Variants in RAD51B observed in about 807,000 individuals in gnomAD.
The protein encoded by RAD51B is RAD51 paralog B.
In RAD51B, 38 loss-of-function variants were observed where a neutral mutation model predicts 42.2. The observed-to-expected ratio is 0.90, with a 90% CI of 0.70 to 1.18. RAD51B has a LOEUF of 1.18. RAD51B is among the 50% of genes most tolerant of loss of function. The pLI is 0.00. For synonymous variants in RAD51B, 154 were observed against 145.2 expected (o/e 1.06, Z -0.43); for missense variants, 373 against 400.7 (o/e 0.93, Z 0.59).
At chr14:68,160,634 T>A (rs1318497751) in intron 7 of RAD51B, among the ~76,000 whole-genome samples, 2 of 152,216 alleles carry the variant, frequency 1.3e-5, no homozygotes, top group East Asian at 3.8e-4. Context: ...AAATATTATA[T>A]CTTGACTACT....
chr14:68,305,271 G>T (rs1443083624), intron 8 of RAD51B, among the ~76,000 whole-genome samples: 1 of 152,156 alleles, frequency 6.6e-6, no homozygotes, highest in Non-Finnish European at 1.5e-5. Flanking sequence ...TCATTTACAC[G>T]TTAAGTATGA....
chr14:68,011,766 G>C (rs768455619), intron 7 of RAD51B, among the ~76,000 whole-genome samples: 1 of 152,032 alleles, frequency 6.6e-6, no homozygotes, highest in Non-Finnish European at 1.5e-5. Context: ...GTTAACAGCT[G>C]TAAATTTGCT....
chr14:68,079,419 C>T (rs2076881066), intron 7 of RAD51B, among the ~76,000 whole-genome samples: 1 of 152,116 alleles, frequency 6.6e-6, no homozygotes, highest in African/African-American at 2.4e-5. Flanking sequence ...ATACATCAAT[C>T]CCCAGAGATC....
At chr14:68,680,687 C>T (rs571611715) in intron 11 of RAD51B, among the ~76,000 whole-genome samples, 2 of 152,218 alleles carry the variant, frequency 1.3e-5, no homozygotes, top group East Asian at 3.9e-4. Flanking sequence ...ATCAAGAGAA[C>T]ATTAGTCAAT....
intron 7 of RAD51B, among the ~76,000 whole-genome samples, chr14:68,031,647 G>T (rs890402341): frequency 6.6e-6 from 1 of 152,006 alleles, no homozygotes; most frequent in Non-Finnish European, 1.5e-5. Flanking sequence ...TGAGCAACAT[G>T]AAGAAACCCT....
chr14:68,406,414 TAGTA>T (rs148821833), intron 8 of RAD51B, among the ~76,000 whole-genome samples: 1,672 of 152,304 alleles, frequency 0.011, 34 homozygotes, highest in African/African-American at 0.037. Flanking sequence ...TGGAACACAG[TAGTA>T]AGTATTTGTG....
intron 7 of RAD51B, among the ~76,000 whole-genome samples, chr14:67,958,770 A>C (rs1234618969): frequency 6.6e-6 from 1 of 152,196 alleles, no homozygotes; most frequent in Non-Finnish European, 1.5e-5. Context: ...TACCTGTAAA[A>C]TATTTGTCTT....
intron 9 of RAD51B, among the ~76,000 whole-genome samples, chr14:68,420,021 C>T (rs763473023): frequency 9.9e-5 from 15 of 152,154 alleles, no homozygotes; most frequent in Admixed American, 2.0e-4. Context: ...TCATTTTTGA[C>T]CCTTTGTGTT....
Position 68,159,489 on chromosome 14 carries a change from G to T in RAD51B, c.757-132395G>T, listed in dbSNP as rs544917423. On this transcript the variant is annotated intron_variant, in intron 7 of 10. Transcript: ENST00000471583. ...ACAAAAATTAGCCAGCCACGATGGC[G>T]TGTGCCTGTAATCCCAGCTACTCGG... Among the ~76,000 whole-genome samples, 24 of 151,958 alleles carry T rather than the reference G, an allele frequency of 1.6e-4. No individual in the cohort carries two copies. The South Asian group carries it at 5.0e-3, about 32-fold the overall frequency.
chr14:67,879,917 A>G (rs1360230208), intron 5 of RAD51B, among the ~76,000 whole-genome samples: 1 of 152,196 alleles, frequency 6.6e-6, no homozygotes, highest in Non-Finnish European at 1.5e-5. Flanking sequence ...GTTAGTTGTG[A>G]TATAGAATCT....
intron 10 of RAD51B, among the ~76,000 whole-genome samples, chr14:68,636,268 A>C (rs1266105177): frequency 6.6e-6 from 1 of 152,132 alleles, no homozygotes; most frequent in Admixed American, 6.5e-5. Context: ...CATTCAGATA[A>C]GTGTTCACTA....
At chr14:67,881,383 T>G (rs2042901184) in intron 5 of RAD51B, among the ~76,000 whole-genome samples, 1 of 152,222 alleles carries the variant, frequency 6.6e-6, no homozygotes. Flanking sequence ...AAGTGTTCAG[T>G]CTGATACTTT....
At chr14:68,396,207 C>T (rs11158734) in intron 8 of RAD51B, among the ~76,000 whole-genome samples, 22,953 of 152,100 alleles carry the variant, frequency 0.15, 1,987 homozygotes, top group East Asian at 0.39. Context: ...AGATATACTT[C>T]GTATGGTCGT....
chr14:68,020,766 T>C (rs956723839), intron 7 of RAD51B, among the ~76,000 whole-genome samples: 2 of 152,326 alleles, frequency 1.3e-5, no homozygotes, highest in African/African-American at 2.4e-5. Flanking sequence ...ATGTATACTT[T>C]ACTGCAATTT....
chr14:68,477,115 G>A (rs1882692844), intron 10 of RAD51B, among the ~76,000 whole-genome samples: 3 of 152,212 alleles, frequency 2.0e-5, no homozygotes, highest in Non-Finnish European at 4.4e-5. Context: ...GGAACAAAGG[G>A]TGTGAGGCAC....
chr14:68,414,490 G>A (rs2084499468), intron 9 of RAD51B, among the ~76,000 whole-genome samples: 4 of 151,924 alleles, frequency 2.6e-5, no homozygotes, highest in South Asian at 2.1e-4. Context: ...TTAAACCATC[G>A]AAAATATGTT....
chr14:68,652,904 A>G (rs981155643), intron 11 of RAD51B, among the ~76,000 whole-genome samples: 3 of 152,232 alleles, frequency 2.0e-5, no homozygotes, highest in African/African-American at 4.8e-5. Context: ...GGAGCAATTT[A>G]CTGATACTTC....
intron 2 of RAD51B, among the ~76,000 whole-genome samples, chr14:67,823,939 T>A (rs1327168356): frequency 2.0e-5 from 3 of 152,272 alleles, no homozygotes; most frequent in Non-Finnish European, 4.4e-5. Context: ...TCAACATGTA[T>A]CATTTCTCTT....
chr14:67,956,465 G>A (rs1312919000), intron 7 of RAD51B, among the ~76,000 whole-genome samples: 2 of 152,072 alleles, frequency 1.3e-5, no homozygotes, highest in African/African-American at 2.4e-5. Context: ...CAGCCTGGGC[G>A]ACAGAGCGAC....
Sources: gnomAD v4.1 joint callset for allele counts (sites outside exome capture counted in the v4.1 genomes callset) on GRCh38, gnomAD v4.1.1 for gene constraint, MANE v1.5 for transcripts, NCBI Gene and HGNC (gene_info 2026-07-23, HGNC 2026-07-21) for gene names.